Variants in ATP8B4 observed in about 807,000 individuals in gnomAD.
ATP8B4 encodes the protein probable phospholipid-transporting ATPase IM.
Under a neutral mutation model 145.6 loss-of-function variants are expected in ATP8B4, and 133 were observed. That is an observed-to-expected ratio of 0.91 (90% CI 0.79 to 1.05). The LOEUF (loss-of-function observed/expected upper bound fraction) is 1.05. ATP8B4 is among the 50% of genes least tolerant of loss of function. ATP8B4 has a pLI of 0.00. For synonymous variants in ATP8B4, 507 were observed against 492.9 expected (o/e 1.03, Z -0.38); for missense variants, 1,458 against 1,425.2 (o/e 1.02, Z -0.37).
At chr15:49,921,428 G>A (rs2040249731) in intron 17 of ATP8B4, among the ~76,000 whole-genome samples, 1 of 152,086 alleles carries the variant, frequency 6.6e-6, no homozygotes, top group Admixed American at 6.5e-5. Flanking sequence ...AATAGTAGGG[G>A]AAAAGAAAAA....
chr15:50,101,313 T>C (rs1289869972), intron 2 of ATP8B4, among the ~76,000 whole-genome samples: 2 of 152,128 alleles, frequency 1.3e-5, no homozygotes, highest in African/African-American at 2.4e-5. Flanking sequence ...GTAAGTGTCA[T>C]GATGTCTACA....
chr15:49,923,509 G>C lies in ATP8B4; in HGVS notation c.1643-15C>G, dbSNP rs1214171239. The stretch of plus-strand genomic sequence containing the variant: ...TGGGTTTCGAACTGAAAAGAAAAAA[G>C]TTTGGAAAAGCAGAATATAATCAAC... On this transcript the variant is annotated splice_polypyrimidine_tract_variant and intron_variant, in intron 16 of 27. Transcript: ENST00000284509. The C allele has an allele frequency of 3.2e-6, 5 of 1,539,592 alleles. No individual in the cohort carries two copies. The highest frequency in any genetic ancestry group is 1.8e-6 in the Non-Finnish European group (2 of 1,126,864).
At chr15:50,165,273 G>A (rs1355590189) in intron 1 of ATP8B4, among the ~76,000 whole-genome samples, 3 of 152,106 alleles carry the variant, frequency 2.0e-5, no homozygotes, top group Non-Finnish European at 2.9e-5. Context: ...GGCTGGTCTC[G>A]AACTCTTGAC....
rs8028361 is a variant in ATP8B4, at chr15:49,946,676, T to G, written c.1288-12494A>C. Among the ~76,000 whole-genome samples the G allele has an allele frequency of 2.7e-3, 412 of 152,142 alleles. 1 individual carries two copies. The highest frequency in any genetic ancestry group is 9.6e-3 in the African/African-American group (397 of 41,486). On this transcript the variant is annotated intron_variant, in intron 14 of 27. Coordinates refer to ENST00000284509, the MANE Select transcript of ATP8B4 (RefSeq NM_024837.4). Reference sequence around the variant, plus strand: ...GCAACCCAGGGATGAAGGACTGCCCTCCTAACTTATTATACCCTCCTTGCC... The same window carrying G: ...GCAACCCAGGGATGAAGGACTGCCCGCCTAACTTATTATACCCTCCTTGCC...
intron 1 of ATP8B4, among the ~76,000 whole-genome samples, chr15:50,172,541 T>G (rs1245572400): frequency 6.6e-6 from 1 of 152,224 alleles, no homozygotes; most frequent in Admixed American, 6.5e-5. Flanking sequence ...GGTGCTGAGA[T>G]TGCAGTCTCT....
At chr15:50,083,898 A>G (rs1223118916) in intron 2 of ATP8B4, among the ~76,000 whole-genome samples, 1 of 152,212 alleles carries the variant, frequency 6.6e-6, no homozygotes, top group Non-Finnish European at 1.5e-5. Context: ...CAAAACAAAG[A>G]CAAACAAGAC....
intron 3 of ATP8B4, among the ~76,000 whole-genome samples, chr15:50,054,783 C>CAAAAAAA (rs55783703): frequency 2.4e-5 from 2 of 81,838 alleles, no homozygotes; most frequent in Non-Finnish European, 4.3e-5. Flanking sequence ...GACTCCGCCT[C>CAAAAAAA]AAAAAAAAAA....
chr15:50,043,351 A>C (rs1191000721), intron 5 of ATP8B4, among the ~76,000 whole-genome samples: 1 of 152,222 alleles, frequency 6.6e-6, no homozygotes, highest in Non-Finnish European at 1.5e-5. Flanking sequence ...CTGACTTTTG[A>C]AGCTACAGTT....
intron 1 of ATP8B4, among the ~76,000 whole-genome samples, chr15:50,147,980 A>G: frequency 6.6e-6 from 1 of 152,244 alleles, no homozygotes; most frequent in East Asian, 1.9e-4. Flanking sequence ...TTAATTACAA[A>G]GAAGAACTAT....
At chr15:49,926,113 C>T (rs1413661058) in intron 16 of ATP8B4, among the ~76,000 whole-genome samples, 1 of 152,070 alleles carries the variant, frequency 6.6e-6, no homozygotes, top group Admixed American at 6.6e-5. Context: ...GGTTCCAACA[C>T]CAGGCTGTTT....
chr15:50,014,606 TAAAC>T, intron 6 of ATP8B4, among the ~76,000 whole-genome samples: 1 of 152,190 alleles, frequency 6.6e-6, no homozygotes, highest in East Asian at 1.9e-4. Context: ...GAATTTCAGA[TAAAC>T]AACAAATTAT....
chr15:49,928,618 TA>T (rs939155531), intron 16 of ATP8B4, among the ~76,000 whole-genome samples: 1 of 152,058 alleles, frequency 6.6e-6, no homozygotes, highest in Non-Finnish European at 1.5e-5. Flanking sequence ...CATAGAGGAT[TA>T]TTTTAAAAGC....
intron 13 of ATP8B4, among the ~76,000 whole-genome samples, chr15:49,971,070 G>A (rs903557991): frequency 1.3e-5 from 2 of 152,142 alleles, no homozygotes; most frequent in South Asian, 4.1e-4. Flanking sequence ...CTAGCCATAT[G>A]CAGAAAACTG....
At chr15:50,053,031 C>T (rs2052313316) in intron 3 of ATP8B4, among the ~76,000 whole-genome samples, 1 of 152,130 alleles carries the variant, frequency 6.6e-6, no homozygotes, top group South Asian at 2.1e-4. Flanking sequence ...ATGAGGAGGT[C>T]TTTGCATTAG....
At chr15:50,003,516 C>T (rs1466119791) in intron 7 of ATP8B4, among the ~76,000 whole-genome samples, 1 of 151,956 alleles carries the variant, frequency 6.6e-6, no homozygotes, top group East Asian at 1.9e-4. Flanking sequence ...GCTCTTGGGC[C>T]AAAAACTACC....
At chr15:50,092,079 A>T (rs2055646324) in intron 2 of ATP8B4, among the ~76,000 whole-genome samples, 1 of 152,154 alleles carries the variant, frequency 6.6e-6, no homozygotes, top group Admixed American at 6.6e-5. Context: ...AAAAGACAAT[A>T]ATTAGAGTTC....
chr15:49,897,342 A>G lies in ATP8B4; in HGVS notation c.2647T>C (p.Phe883Leu). 6.2e-7 allele frequency: 1 copy of G among 1,613,716 alleles called. No homozygotes were observed. The highest frequency in any genetic ancestry group is 8.5e-7 in the Non-Finnish European group (1 of 1,179,848). The stretch of plus-strand genomic sequence containing the variant: ...CCAAACCAGAAATGCACAAGTGTAA[A>G]TGCAAAATTCTTATAGAAGAAATAG... ...LCYFFYKNFA[F>L]TLVHFWFGFF... Residue 883 changes from phenylalanine (F) to leucine (L), a missense_variant, in exon 23 of 28, where the codon TTT (phenylalanine) becomes CTT (leucine). Transcript: ENST00000284509.
intron 2 of ATP8B4, among the ~76,000 whole-genome samples, chr15:50,087,630 A>G (rs1384257088): frequency 1.3e-5 from 2 of 151,918 alleles, no homozygotes; most frequent in Non-Finnish European, 2.9e-5. Context: ...AAACCTACTT[A>G]TAGCAGCACT....
chr15:49,959,549 T>C (rs530431597), intron 14 of ATP8B4, among the ~76,000 whole-genome samples: 4 of 152,104 alleles, frequency 2.6e-5, no homozygotes, highest in African/African-American at 4.8e-5. Flanking sequence ...CCAGATAGTA[T>C]GGTTATATAC....
Sources: allele counts gnomAD v4.1 joint callset (sites outside exome capture counted in the v4.1 genomes callset), GRCh38; gene constraint gnomAD v4.1.1; transcripts MANE v1.5; gene names NCBI Gene and HGNC (gene_info 2026-07-23, HGNC 2026-07-21).